Variants in BARD1 observed in about 807,000 individuals in gnomAD.
The protein encoded by BARD1 is BRCA1-associated RING domain protein 1.
In BARD1, 73 loss-of-function variants were observed where a neutral mutation model predicts 77.0. The ratio of observed to expected loss-of-function variants is 0.95; its 90% CI spans 0.79 to 1.15. The LOEUF (loss-of-function observed/expected upper bound fraction) is 1.15, where lower values mean the gene tolerates loss of function less well. BARD1 is among the 50% of genes most tolerant of loss of function. BARD1 has a pLI of 0.00. For missense variants in BARD1, 993 were observed against 938.8 expected (o/e 1.06, Z -0.75); for synonymous variants, 384 against 338.0 (o/e 1.14, Z -1.49).
At chr2:214,778,742 C>T (rs1694844739) in intron 4 of BARD1, among the ~76,000 whole-genome samples, 1 of 152,096 alleles carries the variant, frequency 6.6e-6, no homozygotes, top group Non-Finnish European at 1.5e-5. Flanking sequence ...GATTTCATGG[C>T]CTGCAAAGCT....
intron 4 of BARD1, among the ~76,000 whole-genome samples, chr2:214,777,878 T>C (rs1021202557): frequency 6.6e-6 from 1 of 152,114 alleles, no homozygotes; most frequent in East Asian, 1.9e-4. Context: ...ATGAGAAAAT[T>C]AGGATAGGAA....
chr2:214,748,484 A>T (rs900596158), intron 7 of BARD1, among the ~76,000 whole-genome samples: 7 of 152,252 alleles, frequency 4.6e-5, no homozygotes, highest in African/African-American at 1.7e-4. Flanking sequence ...TAAAATCATT[A>T]GTTTTTCTTA....
intron 4 of BARD1, among the ~76,000 whole-genome samples, chr2:214,774,727 T>C (rs1694663913): frequency 6.6e-6 from 1 of 152,202 alleles, no homozygotes; most frequent in Non-Finnish European, 1.5e-5. Flanking sequence ...AAGACACAGA[T>C]GGCATATTCT....
chr2:214,769,199 C>T, intron 5 of BARD1, 33 bp downstream of exon 5: 1 of 1,553,724 alleles, frequency 6.4e-7, no homozygotes, highest in Non-Finnish European at 8.9e-7. Context: ...CTGTAAAACA[C>T]AGAAAGAATG....
At chr2:214,801,161 A>G (rs988130246) in intron 1 of BARD1, among the ~76,000 whole-genome samples, 2 of 152,224 alleles carry the variant, frequency 1.3e-5, no homozygotes, top group Middle Eastern at 3.2e-3. Context: ...AACTTTATTT[A>G]AAAACATTTT....
intron 6 of BARD1, among the ~76,000 whole-genome samples, chr2:214,758,683 G>A (rs1469059997): frequency 6.6e-6 from 1 of 152,208 alleles, no homozygotes; most frequent in Non-Finnish European, 1.5e-5. Context: ...TCCTGAAGAT[G>A]AGGAAAAGGA....
chr2:214,729,971 G>C (rs1372818816), intron 10 of BARD1, among the ~76,000 whole-genome samples: 2 of 151,956 alleles, frequency 1.3e-5, no homozygotes, highest in Non-Finnish European at 2.9e-5. Context: ...ATGCTCGTTG[G>C]AAATAAAAAA....
intron 1 of BARD1, among the ~76,000 whole-genome samples, chr2:214,801,600 A>G (rs1419246960): frequency 6.6e-6 from 1 of 152,150 alleles, no homozygotes; most frequent in African/African-American, 2.4e-5. Context: ...TCTTACAACT[A>G]TTATTAGCCT....
At chr2:214,732,387 ATTTT>A (rs996960343) in intron 9 of BARD1, among the ~76,000 whole-genome samples, 2 of 148,248 alleles carry the variant, frequency 1.3e-5, no homozygotes, top group African/African-American at 2.5e-5. Context: ...ACCTATGATG[ATTTT>A]TTTTTCTTTT....
rs576314442 is a variant in BARD1 at position 214,771,947 on chromosome 2, A to G, written c.1315-2635T>C. Among the ~76,000 whole-genome samples, 211 of 150,658 alleles carry G rather than the reference A, an allele frequency of 1.4e-3. 1 individual carries two copies. Among genetic ancestry groups the G allele is most frequent in the Admixed American group, 3.9e-3 (59 of 15,096 alleles). On this transcript the variant is annotated intron_variant, in intron 4 of 10. Transcript: ENST00000260947. ...AGGAAAAAAAAAAAAAAAAAAAGCA[A>G]CATTTTCCCAGATTTCTTAACAGTG...
intron 8 of BARD1, 75 bp from the exon 9 acceptor site, chr2:214,745,234 C>T: frequency 7.8e-7 from 1 of 1,287,596 alleles, no homozygotes; most frequent in Non-Finnish European, 1.1e-6. Flanking sequence ...TCTTATAACT[C>T]ATCTATATTT....
Position 214,743,697 on chromosome 2 carries a change from C to T in BARD1, c.1903+1370G>A, listed in dbSNP as rs1042099292. Among the ~76,000 whole-genome samples, 9 of 113,756 alleles carry T rather than the reference C, an allele frequency of 7.9e-5. No individual in the cohort carries two copies. In the Admixed American group the frequency reaches 8.6e-4, roughly 11 times the overall value. 74.6% of individuals were successfully genotyped at this position (113,756 alleles called of 152,430 possible). On this transcript the variant is annotated intron_variant, in intron 9 of 10. Transcript: ENST00000260947. ...CTCCCGGGGTCAAGTGATTCTCCTG[C>T]CTCAGCCTCCCAAGTGGCTGGGATT...
intron 3 of BARD1, among the ~76,000 whole-genome samples, chr2:214,787,245 A>G (rs1695313885): frequency 6.6e-6 from 1 of 151,922 alleles, no homozygotes; most frequent in South Asian, 2.1e-4. Context: ...TCAATATAAA[A>G]AGAAGAAATT....
At chr2:214,740,749 C>T (rs1692785715) in intron 9 of BARD1, among the ~76,000 whole-genome samples, 1 of 151,956 alleles carries the variant, frequency 6.6e-6, no homozygotes, top group African/African-American at 2.4e-5. Context: ...ACTGCAAATA[C>T]TTTTTCTTTC....
At chr2:214,770,573 C>T (rs1039945775) in intron 4 of BARD1, among the ~76,000 whole-genome samples, 3 of 152,166 alleles carry the variant, frequency 2.0e-5, no homozygotes, top group South Asian at 2.1e-4. Context: ...AATATTAATT[C>T]GACTTTCATA....
intron 4 of BARD1, among the ~76,000 whole-genome samples, chr2:214,772,537 G>A (rs1025145244): frequency 2.0e-5 from 3 of 151,996 alleles, no homozygotes; most frequent in East Asian, 1.9e-4. Context: ...AAACAGAAAC[G>A]GAGTGACAAT....
In BARD1 at chr2:214,727,978, T is replaced by C. The variant is rs1692152562; in HGVS notation, c.*698A>G. The C allele has an allele frequency of 4.6e-6, 1 of 215,718 alleles. No individual in the cohort carries two copies. Among genetic ancestry groups the C allele is most frequent in the Non-Finnish European group, 9.3e-6 (1 of 107,144 alleles). The allele number at this position is 215,718 out of a possible 1,614,324, so 13.4% of individuals were successfully genotyped here. ...GTAGATAAACAGAGTTACAAATTGA[T>C]AGTTACAAGCAAATGTACAGAATAA... On this transcript the variant is annotated 3_prime_UTR_variant, in exon 11 of 11. Transcript: ENST00000260947.
intron 1 of BARD1, among the ~76,000 whole-genome samples, chr2:214,797,654 T>TA: frequency 6.6e-6 from 1 of 152,296 alleles, no homozygotes; most frequent in East Asian, 1.9e-4. Context: ...ATTTTGACCG[T>TA]AAGAATCCAA....
intron 6 of BARD1, among the ~76,000 whole-genome samples, chr2:214,759,074 G>A (rs1693829562): frequency 6.6e-6 from 1 of 152,136 alleles, no homozygotes; most frequent in African/African-American, 2.4e-5. Flanking sequence ...CTATGGAGCA[G>A]GATAAAGCAG....
Sources: gnomAD v4.1 joint callset for allele counts (sites outside exome capture counted in the v4.1 genomes callset) on GRCh38, gnomAD v4.1.1 for gene constraint, MANE v1.5 for transcripts, NCBI Gene and HGNC (gene_info 2026-07-23, HGNC 2026-07-21) for gene names.